The following PHLPP2 variants were observed in gnomAD, a reference collection of about 807,000 sequenced individuals.
The protein encoded by PHLPP2 is PH domain and leucine rich repeat protein phosphatase 2.
In PHLPP2, 66 loss-of-function variants were observed where a neutral mutation model predicts 124.9. The observed-to-expected ratio is 0.53, with a 90% CI of 0.43 to 0.65. PHLPP2 has a LOEUF of 0.65. PHLPP2 is among the 30% of genes least tolerant of loss of function. The pLI, the probability that PHLPP2 is intolerant of heterozygous loss-of-function variation, is 0.00. For missense variants in PHLPP2, 1,685 were observed against 1,600.4 expected (o/e 1.05, Z -0.90); for synonymous variants, 681 against 624.7 (o/e 1.09, Z -1.34).
At chr16:71,702,453 G>T (rs1445899384) in intron 3 of PHLPP2, 145 bp downstream of exon 3, 4 of 545,910 alleles carry the variant, frequency 7.3e-6, no homozygotes, top group Non-Finnish European at 1.3e-5. Context: ...GGCTTTTGTT[G>T]TTGTTTGGTT....
At chr16:71,699,935 C>G (rs1465695172) in intron 3 of PHLPP2, among the ~76,000 whole-genome samples, 1 of 152,184 alleles carries the variant, frequency 6.6e-6, no homozygotes, top group Non-Finnish European at 1.5e-5. Context: ...ACAACAGACC[C>G]CAGTGAACAC....
chr16:71,678,533 G>C, intron 8 of PHLPP2: 1 of 494,342 alleles, frequency 2.0e-6, no homozygotes, highest in South Asian at 2.4e-5. Flanking sequence ...CCAACTACTC[G>C]GGAGGCTGAG....
rs375666210 is a variant in PHLPP2 at position 71,664,083 on chromosome 16, C to T, written c.1801G>A (p.Ala601Thr). Residue 601 changes from alanine (A) to threonine (T), a missense_variant, in exon 13 of 19, where the codon GCA (alanine) becomes ACA (threonine). By Grantham distance (58) the Ala-to-Thr change is moderately conservative (BLOSUM62 0). Transcript: ENST00000568954. ...SKALNLRYLN[A>T]SANSLESLPS... The stretch of plus-strand genomic sequence containing the variant: ...AAAGACTCCAGACTATTTGCAGATG[C>T]ATTCAAGTATCTGAGACTGACAGAA... 5.6e-6 allele frequency: 9 copies of T among 1,612,042 alleles called. No homozygotes were observed. The highest frequency in any genetic ancestry group is 3.4e-6 in the Non-Finnish European group (4 of 1,178,276).
At chr16:71,662,012 C>T (rs1039288049) in intron 13 of PHLPP2, among the ~76,000 whole-genome samples, 17 of 151,796 alleles carry the variant, frequency 1.1e-4, no homozygotes, top group African/African-American at 3.9e-4. Flanking sequence ...TTAGTAGAGA[C>T]GGGGTTTCAC....
chr16:71,657,196 G>A (rs1030384043), intron 15 of PHLPP2, among the ~76,000 whole-genome samples: 5 of 151,984 alleles, frequency 3.3e-5, no homozygotes, highest in Admixed American at 3.3e-4. Context: ...GCCCGCCTCG[G>A]CCTCCCAAAG....
intron 13 of PHLPP2, among the ~76,000 whole-genome samples, chr16:71,661,666 C>A (rs550510020): frequency 6.6e-6 from 1 of 152,088 alleles, no homozygotes; most frequent in East Asian, 1.9e-4. Context: ...AGTAAAAAGT[C>A]ATTGTTTTAA....
chr16:71,683,158 G>C (rs2045019295), intron 5 of PHLPP2, among the ~76,000 whole-genome samples: 1 of 151,298 alleles, frequency 6.6e-6, no homozygotes, highest in Non-Finnish European at 1.5e-5. Flanking sequence ...GTGACAGTGA[G>C]ACTCTGTCTC....
intron 2 of PHLPP2, among the ~76,000 whole-genome samples, chr16:71,711,155 C>A (rs1273740646): frequency 6.6e-6 from 1 of 151,952 alleles, no homozygotes; most frequent in African/African-American, 2.4e-5. Context: ...TATGGAGAAA[C>A]CCCGTCTCTA....
At chr16:71,666,247 G>C (rs1190692033) in intron 12 of PHLPP2, 1 of 152,226 alleles carries the variant, frequency 6.6e-6, no homozygotes, top group Non-Finnish European at 1.5e-5. Flanking sequence ...GGGTGCAGTG[G>C]CTCATGCCTG....
At chr16:71,706,097 G>T (rs906858886) in intron 2 of PHLPP2, among the ~76,000 whole-genome samples, 1 of 152,216 alleles carries the variant, frequency 6.6e-6, no homozygotes, top group African/African-American at 2.4e-5. Flanking sequence ...GTGAGAGAAA[G>T]TAATACTGGC....
intron 2 of PHLPP2, among the ~76,000 whole-genome samples, chr16:71,712,386 C>T (rs1420896425): frequency 6.6e-6 from 1 of 152,202 alleles, no homozygotes; most frequent in Non-Finnish European, 1.5e-5. Context: ...AGTAAATAAA[C>T]TATCACATTC....
intron 17 of PHLPP2, among the ~76,000 whole-genome samples, chr16:71,653,403 G>C (rs1425179953): frequency 6.6e-6 from 1 of 152,126 alleles, no homozygotes; most frequent in Admixed American, 6.5e-5. Flanking sequence ...TGGGTAAGAG[G>C]CTGGCCCAAT....
intron 4 of PHLPP2, among the ~76,000 whole-genome samples, chr16:71,686,021 G>C (rs1027999286): frequency 6.6e-6 from 1 of 152,180 alleles, no homozygotes; most frequent in Non-Finnish European, 1.5e-5. Flanking sequence ...CAGGAGAACT[G>C]CTTGAATCCG....
At chr16:71,686,418 C>T (rs1159561495) in intron 4 of PHLPP2, among the ~76,000 whole-genome samples, 1 of 152,130 alleles carries the variant, frequency 6.6e-6, no homozygotes, top group South Asian at 2.1e-4. Context: ...AAACAATTCT[C>T]CTGCCTCAGC....
At position 71,681,888 on chromosome 16, in the gene PHLPP2, G is replaced by C; in HGVS notation, c.753C>G (p.Ile251Met). Residue 251 changes from isoleucine to methionine, a missense_variant, in exon 6 of 19, where the codon ATC becomes ATG. By Grantham distance (10) the Ile-to-Met change is conservative. Coordinates refer to ENST00000568954, the MANE Select transcript of PHLPP2 (RefSeq NM_015020.3). ...RQASKVVSQR[I>M]STVDLSCYSL... ...TGTAACACGAGAGATCCACGGTACT[G>C]ATTCGCTGGGACACCACCTGAATAA... is the stretch of plus-strand genomic sequence containing the variant. The C allele has an allele frequency of 6.2e-7, 1 of 1,611,382 alleles. No individual in the cohort carries two copies. The highest frequency in any genetic ancestry group is 8.5e-7 in the Non-Finnish European group (1 of 1,178,686).
rs113416286 is a variant in PHLPP2, at chr16:71,668,160, C to A, written c.1629-827G>T. 4.2e-4 allele frequency among the ~76,000 whole-genome samples: 63 copies of A among 149,942 alleles called. 1 individual carries two copies. Among genetic ancestry groups the A allele is most frequent in the African/African-American group, 1.4e-3 (57 of 40,754 alleles). On this transcript the variant is annotated intron_variant, in intron 11 of 18. Transcript: ENST00000568954. ...GGGGTGGTGGCTCATGCCTGTAATCCCAGCACTTTGGGAGGCAGAGGCGGG... is the reference window on the plus strand; with the variant it reads ...GGGGTGGTGGCTCATGCCTGTAATCACAGCACTTTGGGAGGCAGAGGCGGG...
chr16:71,683,825 T>C (rs2045026441), intron 5 of PHLPP2, among the ~76,000 whole-genome samples: 1 of 152,098 alleles, frequency 6.6e-6, no homozygotes, highest in Non-Finnish European at 1.5e-5. Flanking sequence ...ACTTTTGCTC[T>C]TGTTGCCCGG....
intron 13 of PHLPP2, among the ~76,000 whole-genome samples, chr16:71,659,709 A>G (rs1482196492): frequency 6.6e-6 from 1 of 152,224 alleles, no homozygotes; most frequent in Non-Finnish European, 1.5e-5. Flanking sequence ...AGCTTTCTAC[A>G]TGGTAAGCAA....
At chr16:71,669,053 G>A in intron 11 of PHLPP2, among the ~76,000 whole-genome samples, 1 of 152,080 alleles carries the variant, frequency 6.6e-6, no homozygotes, top group East Asian at 1.9e-4. Context: ...TTTCATCACA[G>A]TTATCCACAT....
Sources: gnomAD v4.1 joint callset for allele counts (sites outside exome capture counted in the v4.1 genomes callset) on GRCh38, gnomAD v4.1.1 for gene constraint, MANE v1.5 for transcripts, NCBI Gene and HGNC (gene_info 2026-07-23, HGNC 2026-07-21) for gene names.